SDK1: variants seen among roughly 807,000 people sequenced by gnomAD.
SDK1 encodes sidekick cell adhesion molecule 1, also known as protein sidekick-1.
A neutral mutation model predicts 245.5 loss-of-function variants in SDK1; 157 were observed. That is an observed-to-expected ratio of 0.64 (90% confidence interval 0.56 to 0.73). SDK1 has a LOEUF of 0.73. Ranked by LOEUF, SDK1 falls within the 30% of genes least tolerant of loss-of-function variation. SDK1 has a pLI of 0.00. For missense variants in SDK1, 3,583 were observed against 3,002.3 expected (o/e 1.19, Z -4.52); for synonymous variants, 1,647 against 1,278.5 (o/e 1.29, Z -6.15).
chr7:3,332,832 G>C (rs1780103713), intron 1 of SDK1, among the ~76,000 whole-genome samples: 1 of 152,114 alleles, frequency 6.6e-6, no homozygotes, highest in Non-Finnish European at 1.5e-5. Context: ...AGTTTTTTAT[G>C]TGATTCTCAT....
At chr7:4,138,138 G>A (rs1018311805) in intron 28 of SDK1, among the ~76,000 whole-genome samples, 1 of 152,204 alleles carries the variant, frequency 6.6e-6, no homozygotes, top group Non-Finnish European at 1.5e-5. Context: ...AGATCAGAGA[G>A]AGAAGAAGAA....
At chr7:3,773,433 C>A (rs374319588) in intron 4 of SDK1, among the ~76,000 whole-genome samples, 1 of 151,752 alleles carries the variant, frequency 6.6e-6, no homozygotes, top group Admixed American at 6.6e-5. Context: ...TTTGTTCAAA[C>A]GTTGTTTTCT....
intron 1 of SDK1, among the ~76,000 whole-genome samples, chr7:3,351,225 T>C (rs1225518130): frequency 6.6e-6 from 1 of 152,166 alleles, no homozygotes; most frequent in Non-Finnish European, 1.5e-5. Context: ...AGATTTTATG[T>C]CCTATGTTTT....
intron 1 of SDK1, among the ~76,000 whole-genome samples, chr7:3,617,351 A>G (rs779900549): frequency 4.6e-5 from 7 of 152,204 alleles, no homozygotes; most frequent in Non-Finnish European, 8.8e-5. Context: ...TAATTTCAGT[A>G]TCTGATAACT....
At position 3,485,683 on chromosome 7, in the gene SDK1, G is replaced by GTTTTTTTTTTTTTTTTTTTTTTTT. The variant is rs71552309; in HGVS notation, c.299-133375_299-133374insTTTTTTTTTTTTTTTTTTTTTTTT. On this transcript the variant is annotated intron_variant, in intron 1 of 44. Coordinates refer to ENST00000404826, the MANE Select transcript of SDK1 (RefSeq NM_152744.4). The stretch of plus-strand genomic sequence containing the variant: ...GTGCTGAGGGGATGATCTTTGGAGG[G>GTTTTTTTTTTTTTTTTTTTTTTTT]TTTTTTTTTTTTTTTTTTTTTTGAG... Among the ~76,000 whole-genome samples, 13 of 38,168 alleles carry GTTTTTTTTTTTTTTTTTTTTTTTT rather than the reference G, an allele frequency of 3.4e-4. 2 individuals carry two copies. The highest frequency in any genetic ancestry group is 2.7e-3 in the East Asian group (3 of 1,112). The allele number at this position is 38,168 out of a possible 152,430, so 25.0% of individuals were successfully genotyped here.
intron 4 of SDK1, among the ~76,000 whole-genome samples, chr7:3,705,504 T>C (rs921421054): frequency 2.0e-5 from 3 of 150,394 alleles, no homozygotes; most frequent in Non-Finnish European, 4.4e-5. Flanking sequence ...TTTTATTTTA[T>C]TTTTGCAGCT....
At chr7:3,460,686 G>C (rs1248193128) in intron 1 of SDK1, among the ~76,000 whole-genome samples, 2 of 152,174 alleles carry the variant, frequency 1.3e-5, no homozygotes, top group Non-Finnish European at 2.9e-5. Flanking sequence ...ATAGTTTTGT[G>C]TGTGGTGTCA....
At chr7:3,762,202 C>T (rs993983293) in intron 4 of SDK1, among the ~76,000 whole-genome samples, 1 of 152,136 alleles carries the variant, frequency 6.6e-6, no homozygotes, top group Non-Finnish European at 1.5e-5. Context: ...TCCGTGGTTT[C>T]TAGTTGAGGA....
At chr7:4,004,289 C>G (rs1160206450) in intron 14 of SDK1, among the ~76,000 whole-genome samples, 1 of 152,138 alleles carries the variant, frequency 6.6e-6, no homozygotes, top group African/African-American at 2.4e-5. Context: ...TTATTGTGAG[C>G]TAATACTTAT....
chr7:3,427,823 A>G (rs1025433523), intron 1 of SDK1, among the ~76,000 whole-genome samples: 1 of 149,214 alleles, frequency 6.7e-6, no homozygotes, highest in Non-Finnish European at 1.5e-5. Flanking sequence ...GTGGCTGCAC[A>G]TCATTGTCTC....
chr7:4,231,705 C>A (rs1369599014), intron 40 of SDK1, among the ~76,000 whole-genome samples: 2 of 152,292 alleles, frequency 1.3e-5, no homozygotes, highest in East Asian at 3.9e-4. Flanking sequence ...AAATCTCATT[C>A]ACGTCTATTC....
intron 4 of SDK1, among the ~76,000 whole-genome samples, chr7:3,722,500 A>G (rs1320201514): frequency 6.6e-6 from 1 of 152,176 alleles, no homozygotes; most frequent in African/African-American, 2.4e-5. Flanking sequence ...GAAAGCAGGC[A>G]GGAGCCATTT....
chr7:3,473,853 T>G (rs567385243), intron 1 of SDK1, among the ~76,000 whole-genome samples: 1 of 152,000 alleles, frequency 6.6e-6, no homozygotes, highest in Non-Finnish European at 1.5e-5. Flanking sequence ...TTTTTCTAAT[T>G]TTTTTTTCCT....
intron 5 of SDK1, among the ~76,000 whole-genome samples, chr7:3,834,395 G>A (rs1779984257): frequency 1.3e-5 from 2 of 152,224 alleles, no homozygotes; most frequent in South Asian, 2.1e-4. Context: ...TGTGTTAAAT[G>A]CCACACGAAA....
At position 4,012,120 on chromosome 7, in the gene SDK1, A is replaced by G. The variant is rs147984930; in HGVS notation, c.2305A>G (p.Ser769Gly). The change falls in exon 16 of 45, where the codon AGT becomes GGT. Residue 769 changes from serine (S) to glycine (G), a missense_variant. Transcript: ENST00000404826. ...SRLMLPEEPPSAPPKNIVASG... is the reference protein window; with the variant it reads ...SRLMLPEEPPGAPPKNIVASG... ...GTTGATGCTACCTGAAGAACCACCCAGTGCTCCCCCGAAAAATATAGTGGC... is the reference window on the plus strand; with the variant it reads ...GTTGATGCTACCTGAAGAACCACCCGGTGCTCCCCCGAAAAATATAGTGGC... The G allele has an allele frequency of 2.2e-5, 35 of 1,571,466 alleles. No individual in the cohort carries two copies. The African/African-American group carries it at 4.1e-4, about 19-fold the overall frequency.
intron 1 of SDK1, among the ~76,000 whole-genome samples, chr7:3,474,317 G>T (rs1048475566): frequency 6.6e-6 from 1 of 151,272 alleles, no homozygotes; most frequent in African/African-American, 2.4e-5. Flanking sequence ...GATGGTCTCG[G>T]TCTCTTGACC....
rs114712672 is a variant in SDK1, at chr7:3,581,063, T to C, written c.299-38017T>C. ...GACATAAGAACTGGCGTTAATTGTATGATGAAGATGCTGAAAACAATTGCA... is the reference window on the plus strand; with the variant it reads ...GACATAAGAACTGGCGTTAATTGTACGATGAAGATGCTGAAAACAATTGCA... On this transcript the variant is annotated intron_variant, in intron 1 of 44. Coordinates refer to ENST00000404826, the MANE Select transcript of SDK1 (RefSeq NM_152744.4). Among the ~76,000 whole-genome samples the C allele has an allele frequency of 2.7e-3, 400 of 150,146 alleles. 2 individuals carry two copies. The highest frequency in any genetic ancestry group is 9.3e-3 in the African/African-American group (379 of 40,776).
intron 8 of SDK1, among the ~76,000 whole-genome samples, 154 bp from the exon 9 acceptor site, chr7:3,962,503 C>T (rs866252182): frequency 5.3e-5 from 8 of 152,202 alleles, no homozygotes; most frequent in Non-Finnish European, 8.8e-5. Flanking sequence ...TCATCTACAA[C>T]GAGAAAAATA....
intron 1 of SDK1, among the ~76,000 whole-genome samples, chr7:3,378,752 T>G (rs894040246): frequency 6.6e-6 from 1 of 150,734 alleles, no homozygotes; most frequent in Non-Finnish European, 1.5e-5. Context: ...CAGGTGACTT[T>G]GCAGGGGAAG....
Sources: allele counts gnomAD v4.1 joint callset (sites outside exome capture counted in the v4.1 genomes callset), GRCh38; gene constraint gnomAD v4.1.1; transcripts MANE v1.5; gene names NCBI Gene and HGNC (gene_info 2026-07-23, HGNC 2026-07-21).